The following SLC16A7 variants were observed in gnomAD, a reference collection of about 807,000 sequenced individuals.
The protein encoded by SLC16A7 is solute carrier family 16 member 7, also known as monocarboxylate transporter 2.
Under a neutral mutation model 34.9 loss-of-function variants are expected in SLC16A7, and 33 were observed. That is an observed-to-expected ratio of 0.94 (90% CI 0.72 to 1.26). SLC16A7 has a LOEUF of 1.26. Among genes scored for constraint, SLC16A7 ranks in the 50% most tolerant of loss-of-function variants. The pLI is 0.00. For synonymous variants in SLC16A7, 201 were observed against 206.6 expected (o/e 0.97, Z 0.23); for missense variants, 573 against 578.1 (o/e 0.99, Z 0.09).
intron 3 of SLC16A7, among the ~76,000 whole-genome samples, chr12:59,753,325 G>C (rs1331114953): frequency 7.9e-5 from 12 of 152,162 alleles, no homozygotes; most frequent in South Asian, 2.1e-4. Flanking sequence ...TGGATAAAGA[G>C]TCAAGACCCA....
At chr12:59,717,227 G>C (rs1458741978) in intron 3 of SLC16A7, among the ~76,000 whole-genome samples, 1 of 152,090 alleles carries the variant, frequency 6.6e-6, no homozygotes, top group Non-Finnish European at 1.5e-5. Flanking sequence ...TTGTTATGTG[G>C]GACAAATTTT....
chr12:59,677,630 C>G (rs1164425858), intron 2 of SLC16A7, among the ~76,000 whole-genome samples: 2 of 152,150 alleles, frequency 1.3e-5, no homozygotes, highest in Non-Finnish European at 2.9e-5. Flanking sequence ...TTTGTCATGG[C>G]TTTTCTAGAT....
chr12:59,768,635 G>A (rs1399627160), intron 3 of SLC16A7, among the ~76,000 whole-genome samples: 3 of 152,098 alleles, frequency 2.0e-5, no homozygotes, highest in East Asian at 1.9e-4. Flanking sequence ...AAATGACATC[G>A]CATGCTACAA....
chr12:59,606,475 G>T (rs1033178115), intron 1 of SLC16A7, among the ~76,000 whole-genome samples: 1 of 152,148 alleles, frequency 6.6e-6, no homozygotes, highest in African/African-American at 2.4e-5. Context: ...AATTATTGAT[G>T]TCATTTAAGT....
Position 59,783,363 on chromosome 12 carries a change from T to G in SLC16A7, c.*3684T>G, listed in dbSNP as rs1026501243. On this transcript the variant is annotated 3_prime_UTR_variant, in exon 6 of 6. Coordinates refer to ENST00000547379, the MANE Select transcript of SLC16A7 (RefSeq NM_001270623.2). ...ATTATTACTAGCTTGATATGACAGA[T>G]GAGTGAAAACAAAAAACAAGCTCAG... The G allele has an allele frequency of 6.6e-6, 1 of 152,026 alleles. No individual in the cohort carries two copies. The highest frequency in any genetic ancestry group is 2.4e-5 in the African/African-American group (1 of 41,408). The allele number at this position is 152,026 out of a possible 1,614,324, so 9.4% of individuals were successfully genotyped here. A position where few individuals can be genotyped will look rare whatever the true frequency, so the allele number is the denominator to read the frequency against.
intron 3 of SLC16A7, among the ~76,000 whole-genome samples, chr12:59,723,996 TTG>T (rs1875935207): frequency 6.6e-6 from 1 of 151,976 alleles, no homozygotes; most frequent in South Asian, 2.1e-4. Flanking sequence ...AAAAATGTAA[TTG>T]TGGCTTAAAA....
At chr12:59,720,271 C>T in intron 3 of SLC16A7, 3 of 512,260 alleles carry the variant, frequency 5.9e-6, no homozygotes, top group South Asian at 6.1e-5. Flanking sequence ...TTTTTAAGCA[C>T]CCTTTCATAA....
intron 3 of SLC16A7, among the ~76,000 whole-genome samples, chr12:59,737,679 G>T (rs1877756571): frequency 6.6e-6 from 1 of 152,044 alleles, no homozygotes; most frequent in African/African-American, 2.4e-5. Context: ...GGATGACTTG[G>T]ACTCCCTGTC....
At chr12:59,690,022 A>G (rs1231210985) in intron 2 of SLC16A7, among the ~76,000 whole-genome samples, 3 of 152,010 alleles carry the variant, frequency 2.0e-5, no homozygotes, top group Non-Finnish European at 2.9e-5. Context: ...ATTCTGAGTA[A>G]GATTTCATTC....
chr12:59,604,713 A>C (rs1182670496), intron 1 of SLC16A7, among the ~76,000 whole-genome samples: 1 of 152,240 alleles, frequency 6.6e-6, no homozygotes, highest in Non-Finnish European at 1.5e-5. Context: ...ATTTTGCCCA[A>C]GGTTACACAT....
At position 59,786,632 on chromosome 12, in the gene SLC16A7, G is replaced by A. The variant is rs766563934; in HGVS notation, c.*6953G>A. On this transcript the variant is annotated 3_prime_UTR_variant, in exon 6 of 6. Transcript: ENST00000547379. The stretch of plus-strand genomic sequence containing the variant: ...GATATATTTATGTCTCAGAAGATAT[G>A]TTTAATGAATTCATTTCATCCTCTC... The A allele has an allele frequency of 2.6e-5, 4 of 152,106 alleles. No individual in the cohort carries two copies. Among genetic ancestry groups the A allele is most frequent in the Non-Finnish European group, 5.9e-5 (4 of 67,996 alleles). 9.4% of individuals were successfully genotyped at this position (152,106 alleles called of 1,614,324 possible). A position where few individuals can be genotyped will look rare whatever the true frequency, so the allele number is the denominator to read the frequency against.
intron 1 of SLC16A7, among the ~76,000 whole-genome samples, chr12:59,618,369 C>T (rs1879550086): frequency 6.6e-6 from 1 of 151,914 alleles, no homozygotes; most frequent in South Asian, 2.1e-4. Flanking sequence ...CATATAATCT[C>T]ATTTCATTCT....
chr12:59,712,350 C>T (rs893264744), intron 3 of SLC16A7, among the ~76,000 whole-genome samples: 1 of 152,174 alleles, frequency 6.6e-6, no homozygotes, highest in African/African-American at 2.4e-5. Context: ...AATCTATGCC[C>T]TTTACCCATA....
chr12:59,762,472 T>C (rs1346386606), intron 3 of SLC16A7, among the ~76,000 whole-genome samples: 2 of 152,128 alleles, frequency 1.3e-5, no homozygotes, highest in Admixed American at 6.6e-5. Flanking sequence ...ATTATTTATT[T>C]ATATCTCTAA....
At chr12:59,767,580 A>G (rs1255623992) in intron 3 of SLC16A7, among the ~76,000 whole-genome samples, 1 of 152,108 alleles carries the variant, frequency 6.6e-6, no homozygotes, top group African/African-American at 2.4e-5. Flanking sequence ...TAAATGGAAT[A>G]GCAAAGTCTG....
At chr12:59,707,216 G>A (rs1420998090) in intron 3 of SLC16A7, among the ~76,000 whole-genome samples, 1 of 152,034 alleles carries the variant, frequency 6.6e-6, no homozygotes, top group Non-Finnish European at 1.5e-5. Context: ...CCCAGAGTTA[G>A]GGGCCATGGA....
intron 1 of SLC16A7, among the ~76,000 whole-genome samples, chr12:59,603,183 T>C (rs989657337): frequency 1.3e-5 from 2 of 152,210 alleles, no homozygotes; most frequent in Admixed American, 6.5e-5. Flanking sequence ...CCTACAGTCA[T>C]GTAATAGTCT....
intron 1 of SLC16A7, among the ~76,000 whole-genome samples, chr12:59,600,321 A>C (rs1878623380): frequency 6.6e-6 from 1 of 152,222 alleles, no homozygotes; most frequent in Admixed American, 6.5e-5. Context: ...ACAAAGTTGA[A>C]TTGCATAATA....
chr12:59,704,944 A>G lies in SLC16A7; in HGVS notation c.143A>G (p.Gln48Arg). Reference sequence around the variant, plus strand: ...GTCACCGTATTCTTCAAAGAAATTCAGCAAATATTCCACACTACCTACAGT... The same window carrying G: ...GTCACCGTATTCTTCAAAGAAATTCGGCAAATATTCCACACTACCTACAGT... ...KAVTVFFKEIQQIFHTTYSEI... is the reference protein window; with the variant it reads ...KAVTVFFKEIRQIFHTTYSEI... The change falls in exon 3 of 6, where the codon CAG becomes CGG. Residue 48 changes from glutamine to arginine, a missense_variant. Physicochemically the swap from Gln to Arg is conservative, Grantham distance 43 (BLOSUM62 1). Transcript: ENST00000547379. 1 of 1,613,864 alleles carries G rather than the reference A, an allele frequency of 6.2e-7. No individual in the cohort carries two copies. The highest frequency in any genetic ancestry group is 8.5e-7 in the Non-Finnish European group (1 of 1,179,796).
Sources: allele counts gnomAD v4.1 joint callset (sites outside exome capture counted in the v4.1 genomes callset), GRCh38; gene constraint gnomAD v4.1.1; transcripts MANE v1.5; gene names NCBI Gene and HGNC (gene_info 2026-07-23, HGNC 2026-07-21).